The following IMMP2L variants were observed in gnomAD, a reference collection of about 807,000 sequenced individuals.
The protein encoded by IMMP2L is mitochondrial inner membrane protease subunit 2.
A neutral mutation model predicts 19.3 loss-of-function variants in IMMP2L; 18 were observed. That is an observed-to-expected ratio of 0.93 (90% CI 0.64 to 1.38). The LOEUF (loss-of-function observed/expected upper bound fraction) is 1.38, where lower values mean the gene tolerates loss of function less well. Among genes scored for constraint, IMMP2L ranks in the 40% most tolerant of loss-of-function variants. The probability of loss-of-function intolerance (pLI) is 0.00; values close to 1 mark genes in which losing one functional copy is unlikely to be tolerated. For synonymous variants in IMMP2L, 76 were observed against 73.0 expected (o/e 1.04, Z -0.21); for missense variants, 233 against 218.2 (o/e 1.07, Z -0.43).
intron 3 of IMMP2L, among the ~76,000 whole-genome samples, chr7:111,296,073 A>G (rs1008854102): frequency 2.0e-5 from 3 of 151,664 alleles, no homozygotes; most frequent in Non-Finnish European, 4.4e-5. Context: ...TCTTAAAAAT[A>G]CATCATTTAA....
chr7:111,389,089 C>A (rs1280159606), intron 3 of IMMP2L, among the ~76,000 whole-genome samples: 1 of 152,002 alleles, frequency 6.6e-6, no homozygotes, highest in Non-Finnish European at 1.5e-5. Context: ...AAGAAAAGTA[C>A]AAGATAAGCT....
At chr7:110,835,412 C>T (rs542206923) in intron 5 of IMMP2L, among the ~76,000 whole-genome samples, 1 of 152,210 alleles carries the variant, frequency 6.6e-6, no homozygotes, top group South Asian at 2.1e-4. Flanking sequence ...CCTCAGATCT[C>T]TCAGATGATC....
At chr7:111,205,329 C>G (rs1810581976) in intron 3 of IMMP2L, among the ~76,000 whole-genome samples, 1 of 152,168 alleles carries the variant, frequency 6.6e-6, no homozygotes, top group Non-Finnish European at 1.5e-5. Flanking sequence ...GGGACATATT[C>G]AGCCCATCAC....
At chr7:111,493,371 T>C (rs1843271459) in intron 2 of IMMP2L, among the ~76,000 whole-genome samples, 1 of 152,058 alleles carries the variant, frequency 6.6e-6, no homozygotes, top group South Asian at 2.1e-4. Flanking sequence ...AGAACCACAG[T>C]TTTCTGTACT....
chr7:111,530,084 C>A (rs1356733355), intron 1 of IMMP2L, among the ~76,000 whole-genome samples: 1 of 152,136 alleles, frequency 6.6e-6, no homozygotes, highest in Non-Finnish European at 1.5e-5. Flanking sequence ...TCAGTGAAAA[C>A]CTGGTGGGCT....
chr7:111,480,597 CAA>C (rs925037556), intron 3 of IMMP2L, among the ~76,000 whole-genome samples: 1,414 of 55,034 alleles, frequency 0.026, 25 homozygotes, highest in African/African-American at 0.064. Context: ...ATTTTACTGT[CAA>C]AAAAAAAAAA....
chr7:110,678,098 G>A (rs187880652), intron 5 of IMMP2L, among the ~76,000 whole-genome samples: 1 of 152,142 alleles, frequency 6.6e-6, no homozygotes, highest in East Asian at 1.9e-4. Flanking sequence ...TATAATACAG[G>A]TCCACAGTAC....
At chr7:111,004,643 T>C (rs1032077257) in intron 3 of IMMP2L, among the ~76,000 whole-genome samples, 1 of 152,078 alleles carries the variant, frequency 6.6e-6, no homozygotes, top group Non-Finnish European at 1.5e-5. Flanking sequence ...CCCAAAAAAT[T>C]TGACCACAGC....
rs533975032 is a variant in IMMP2L at position 111,417,567 on chromosome 7, G to A, written c.239+69671C>T. On this transcript the variant is annotated intron_variant, in intron 3 of 5. Coordinates refer to ENST00000405709, the MANE Select transcript of IMMP2L (RefSeq NM_032549.4). Reference sequence around the variant, plus strand: ...TGAAGGTTCGTAGTCAGAGGTCTATGAAGACCCCTCAATGTGTAACCTCTG... The same window carrying A: ...TGAAGGTTCGTAGTCAGAGGTCTATAAAGACCCCTCAATGTGTAACCTCTG... Among the ~76,000 whole-genome samples, 68 of 151,876 alleles carry A rather than the reference G, an allele frequency of 4.5e-4. No individual in the cohort carries two copies. In the South Asian group the frequency reaches 5.2e-3, roughly 12 times the overall value.
chr7:111,091,258 C>G (rs1472726112), intron 3 of IMMP2L: 1 of 152,156 alleles, frequency 6.6e-6, no homozygotes, highest in Non-Finnish European at 1.5e-5. Flanking sequence ...AAAAAGAGTT[C>G]CAGGAAAAAG....
chr7:111,019,841 C>G (rs1010049476), intron 3 of IMMP2L, among the ~76,000 whole-genome samples: 1 of 152,082 alleles, frequency 6.6e-6, no homozygotes, highest in Non-Finnish European at 1.5e-5. Context: ...TGAAAGGCAA[C>G]TCAATGACCC....
chr7:110,905,798 A>G (rs1202835840), intron 4 of IMMP2L, among the ~76,000 whole-genome samples: 1 of 152,208 alleles, frequency 6.6e-6, no homozygotes, highest in Non-Finnish European at 1.5e-5. Flanking sequence ...TGATTTTTTT[A>G]AAGTTGGCAA....
intron 3 of IMMP2L, among the ~76,000 whole-genome samples, chr7:110,986,980 T>C (rs1297760666): frequency 6.6e-6 from 1 of 152,146 alleles, no homozygotes; most frequent in Non-Finnish European, 1.5e-5. Context: ...GATTAGAATA[T>C]CCAGTTAACT....
intron 5 of IMMP2L, among the ~76,000 whole-genome samples, chr7:110,721,041 C>T (rs1417924687): frequency 1.4e-5 from 2 of 147,804 alleles, no homozygotes; most frequent in African/African-American, 2.5e-5. Flanking sequence ...ATAGTATATG[C>T]CTGTTATACA....
At chr7:111,013,996 T>C (rs890874432) in intron 3 of IMMP2L, among the ~76,000 whole-genome samples, 12 of 152,114 alleles carry the variant, frequency 7.9e-5, no homozygotes, top group Non-Finnish European at 1.2e-4. Context: ...TCTCAAGTCA[T>C]ATATTCACAG....
intron 3 of IMMP2L, among the ~76,000 whole-genome samples, chr7:111,338,647 A>C (rs10277071): frequency 0.027 from 4,037 of 152,194 alleles, 182 homozygotes; most frequent in African/African-American, 0.092. Flanking sequence ...ATCTAGCATC[A>C]TTTAGCCAGA....
intron 3 of IMMP2L, among the ~76,000 whole-genome samples, chr7:111,232,690 T>C (rs893603045): frequency 6.6e-6 from 1 of 152,086 alleles, no homozygotes; most frequent in African/African-American, 2.4e-5. Context: ...TTCCATCGCA[T>C]AGGATGTTTT....
intron 3 of IMMP2L, among the ~76,000 whole-genome samples, chr7:111,347,257 T>C (rs1827665655): frequency 6.6e-6 from 1 of 151,896 alleles, no homozygotes; most frequent in Non-Finnish European, 1.5e-5. Flanking sequence ...GTCTAGCCTT[T>C]TAAAGAAGCT....
chr7:110,921,365 G>A (rs1178808839), intron 4 of IMMP2L, among the ~76,000 whole-genome samples: 1 of 152,152 alleles, frequency 6.6e-6, no homozygotes, highest in Admixed American at 6.6e-5. Context: ...TGGGAGAGTG[G>A]TAGCTGCAGG....
Sources: allele counts gnomAD v4.1 joint callset (sites outside exome capture counted in the v4.1 genomes callset), GRCh38; gene constraint gnomAD v4.1.1; transcripts MANE v1.5; gene names NCBI Gene and HGNC (gene_info 2026-07-23, HGNC 2026-07-21).